The following ECPAS variants were observed in gnomAD, a reference collection of about 807,000 sequenced individuals.
ECPAS encodes the protein proteasome adapter and scaffold protein ECM29.
A neutral mutation model predicts 255.1 loss-of-function variants in ECPAS; 70 were observed. The ratio of observed to expected loss-of-function variants is 0.27; its 90% CI spans 0.23 to 0.33. ECPAS has a LOEUF of 0.33. ECPAS is among the 10% of genes least tolerant of loss of function. The pLI is 1.00. For missense variants in ECPAS, 1,817 were observed against 2,206.4 expected (o/e 0.82, Z 3.54); for synonymous variants, 784 against 775.0 (o/e 1.01, Z -0.19).
chr9:111,390,344 A>G (rs1171789366), intron 29 of ECPAS, among the ~76,000 whole-genome samples: 2 of 152,176 alleles, frequency 1.3e-5, no homozygotes, highest in African/African-American at 4.8e-5. Flanking sequence ...TGCACCTCTA[A>G]GTCCATAGCC....
At chr9:111,433,197 C>G (rs1242789862) in intron 8 of ECPAS, 36 bp downstream of exon 8, 5 of 1,599,216 alleles carry the variant, frequency 3.1e-6, no homozygotes, top group Non-Finnish European at 4.3e-6. Context: ...GAAATGTAGT[C>G]CTTTCAATCT....
intron 15 of ECPAS, among the ~76,000 whole-genome samples, chr9:111,420,570 T>G (rs748318270): frequency 9.8e-5 from 15 of 152,312 alleles, no homozygotes; most frequent in Non-Finnish European, 2.2e-4. Flanking sequence ...TCCCCACCAA[T>G]TTGAAGCTAA....
intron 27 of ECPAS, among the ~76,000 whole-genome samples, chr9:111,393,234 A>C (rs867775163): frequency 7.2e-5 from 11 of 152,216 alleles, no homozygotes; most frequent in African/African-American, 2.7e-4. Flanking sequence ...ATACACTCAG[A>C]CCTAACTTTT....
intron 2 of ECPAS, among the ~76,000 whole-genome samples, chr9:111,460,698 A>G (rs1255086270): frequency 6.6e-6 from 1 of 152,226 alleles, no homozygotes; most frequent in East Asian, 1.9e-4. Flanking sequence ...CAATGACATC[A>G]AAACACATCG....
chr9:111,445,262 T>G (rs2098251393), intron 3 of ECPAS, among the ~76,000 whole-genome samples: 1 of 152,080 alleles, frequency 6.6e-6, no homozygotes, highest in South Asian at 2.1e-4. Flanking sequence ...CCCAAAGTGT[T>G]GGGATTACAG....
In ECPAS at chr9:111,394,271, C is replaced by G. The variant is rs1265745360; in HGVS notation, c.2811G>C (p.Leu937Phe). Reference protein sequence around the residue: ...AKVNDVVPWVLDVILNKHIIS... With the variant: ...AKVNDVVPWVFDVILNKHIIS... ...TGATATGTTTATTTAAAATCACATC[C>G]AACACCCATGGAACCACATCATTCA... is the stretch of plus-strand genomic sequence containing the variant. Residue 937 changes from leucine (L) to phenylalanine (F), a missense_variant, in exon 26 of 50, where the codon TTG becomes TTC. Physicochemically the swap from Leu to Phe is conservative, Grantham distance 22 (BLOSUM62 0). This residue lies in a region of ECPAS where 960 missense variants were observed against 1,179.0 expected (regional missense o/e 0.81). Coordinates refer to ENST00000684092, the MANE Select transcript of ECPAS (RefSeq NM_001364929.1). 6.3e-7 allele frequency: 1 copy of G among 1,596,366 alleles called. No homozygotes were observed. Among genetic ancestry groups the G allele is most frequent in the Admixed American group, 1.7e-5 (1 of 57,736 alleles).
At chr9:111,402,785 C>G (rs1450221257) in intron 24 of ECPAS, among the ~76,000 whole-genome samples, 1 of 151,966 alleles carries the variant, frequency 6.6e-6, no homozygotes, top group African/African-American at 2.4e-5. Context: ...TTCTGAACCC[C>G]TTAGGGAAAC....
rs374771520 is a variant in ECPAS at position 111,420,031 on chromosome 9, C to A, written c.1545G>T (p.Leu515=). 2 of 1,607,162 alleles carry A rather than the reference C, an allele frequency of 1.2e-6. No individual in the cohort carries two copies. Among genetic ancestry groups the A allele is most frequent in the African/African-American group, 2.7e-5 (2 of 74,576 alleles). The change falls in exon 16 of 50, where the codon CTG becomes CTT. Residue 515 remains leucine, a synonymous_variant. Coordinates refer to ENST00000684092, the MANE Select transcript of ECPAS (RefSeq NM_001364929.1). ...DHIPSRYLLL[L]AAGDPREEVH... is the part of the protein sequence containing the mutation. The stretch of plus-strand genomic sequence containing the variant: ...TTGAAACTTACGGATCTCCTGCAGC[C>A]AGTAGCAGCAAATATCTGGAAGGGA...
intron 24 of ECPAS, among the ~76,000 whole-genome samples, chr9:111,400,320 A>G (rs1377313830): frequency 1.3e-5 from 2 of 152,236 alleles, no homozygotes; most frequent in Admixed American, 1.3e-4. Context: ...CAGACTGTGA[A>G]GACTGGAATA....
intron 2 of ECPAS, among the ~76,000 whole-genome samples, chr9:111,467,264 A>G (rs1414068744): frequency 6.6e-6 from 1 of 152,148 alleles, no homozygotes; most frequent in African/African-American, 2.4e-5. Context: ...AGAAGAGAGA[A>G]GAGAAGAGAA....
chr9:111,451,576 A>C (rs970912447), intron 2 of ECPAS, 21 bp from the exon 3 acceptor site: 9 of 1,523,262 alleles, frequency 5.9e-6, no homozygotes, highest in Non-Finnish European at 7.9e-6. Flanking sequence ...AAAAGAAAAA[A>C]AGAGAGAACT....
intron 2 of ECPAS, among the ~76,000 whole-genome samples, chr9:111,458,779 T>C (rs2098269907): frequency 6.6e-6 from 1 of 152,158 alleles, no homozygotes; most frequent in Non-Finnish European, 1.5e-5. Context: ...GCATTGTGTG[T>C]ATTATCACAC....
chr9:111,429,655 A>G (rs984649468), intron 9 of ECPAS, among the ~76,000 whole-genome samples: 1 of 152,118 alleles, frequency 6.6e-6, no homozygotes, highest in Non-Finnish European at 1.5e-5. Flanking sequence ...ACCACACTCA[A>G]TCTAATCTAA....
chr9:111,370,064 T>A (rs938599011), intron 45 of ECPAS, among the ~76,000 whole-genome samples: 10 of 152,212 alleles, frequency 6.6e-5, no homozygotes. Flanking sequence ...TAAGTCAAAG[T>A]GCCATCTAGC....
Position 111,443,955 on chromosome 9 carries a change from A to G in ECPAS, c.270+423T>C, listed in dbSNP as rs568828078. The stretch of plus-strand genomic sequence containing the variant: ...TCTGAATATACACATCAAAAACACA[A>G]AAGATTTTTTTAAGTTCACTTTCAT... On this transcript the variant is annotated intron_variant, in intron 4 of 49. Transcript: ENST00000684092. Among the ~76,000 whole-genome samples, 5 of 152,304 alleles carry G rather than the reference A, an allele frequency of 3.3e-5. No individual in the cohort carries two copies. In the South Asian group the frequency reaches 8.3e-4, roughly 25 times the overall value.
intron 3 of ECPAS, among the ~76,000 whole-genome samples, chr9:111,444,719 T>C (rs1179495018): frequency 6.6e-6 from 1 of 152,122 alleles, no homozygotes; most frequent in African/African-American, 2.4e-5. Context: ...TCTTTTTCTT[T>C]TTATTTCCCA....
At chr9:111,483,966 C>T (rs2098311250) in intron 1 of ECPAS, 150 bp downstream of exon 1, 1 of 987,024 alleles carries the variant, frequency 1.0e-6, no homozygotes, top group Admixed American at 6.2e-5. Flanking sequence ...CTCGCTCGCT[C>T]GCGGCTCGTC....
At chr9:111,458,682 A>G (rs1463951357) in intron 2 of ECPAS, among the ~76,000 whole-genome samples, 1 of 152,092 alleles carries the variant, frequency 6.6e-6, no homozygotes, top group Non-Finnish European at 1.5e-5. Context: ...TCACATGGGC[A>G]ATGATCCAAT....
At chr9:111,390,275 T>G (rs2098157491) in intron 29 of ECPAS, among the ~76,000 whole-genome samples, 174 bp from the exon 30 acceptor site, 1 of 152,242 alleles carries the variant, frequency 6.6e-6, no homozygotes, top group Admixed American at 6.5e-5. Context: ...AAAAGTCACC[T>G]AATTCAACTA....
Sources: allele counts gnomAD v4.1 joint callset (sites outside exome capture counted in the v4.1 genomes callset), GRCh38; gene constraint gnomAD v4.1.1; regional missense constraint gnomAD v4.1.1; transcripts MANE v1.5; gene names NCBI Gene and HGNC (gene_info 2026-07-23, HGNC 2026-07-21).